Variants in P2RY14 observed in about 807,000 individuals in gnomAD.
P2RY14 encodes P2Y purinoceptor 14.
In P2RY14, 2 loss-of-function variants were observed where a neutral mutation model predicts 0.9. The observed-to-expected ratio is 2.16, with a 90% CI of 0.88 to 6.79. P2RY14 has a LOEUF of 6.79. Among genes scored for constraint, P2RY14 ranks in the 30% most tolerant of loss-of-function variants. The pLI, the probability that P2RY14 is intolerant of heterozygous loss-of-function variation, is 0.05. For missense variants in P2RY14, 378 were observed against 400.1 expected (o/e 0.94, Z 0.47); for synonymous variants, 158 against 147.2 (o/e 1.07, Z -0.53).
intron 1 of P2RY14, among the ~76,000 whole-genome samples, chr3:151,245,646 A>G (rs1395215634): frequency 2.1e-5 from 3 of 144,776 alleles, no homozygotes; most frequent in Non-Finnish European, 3.0e-5. Context: ...ATCTATGACA[A>G]ACCCACAGCC....
At chr3:151,227,905 A>C (rs751965896) in intron 1 of P2RY14, among the ~76,000 whole-genome samples, 5 of 152,102 alleles carry the variant, frequency 3.3e-5, no homozygotes, top group Non-Finnish European at 7.4e-5. Flanking sequence ...GCCTGTATCC[A>C]CTAGGTGGCA....
chr3:151,255,222 CAG>C (rs951802981), intron 1 of P2RY14, among the ~76,000 whole-genome samples: 50 of 152,154 alleles, frequency 3.3e-4, no homozygotes, highest in African/African-American at 8.7e-4. Context: ...AGCCATATAA[CAG>C]GGGATGTGAG....
rs759327036 is a variant in P2RY14, at chr3:151,214,263, G to A, written c.54C>T (p.Leu18=). The change falls in exon 3 of 3, where the codon CTC becomes CTT. Residue 18 remains leucine, a synonymous_variant. Coordinates refer to ENST00000309170, the MANE Select transcript of P2RY14 (RefSeq NM_014879.4). ...CAGGAATGATCTGCTGAGTGATCAG[G>A]AGGTTCTGAGAGCAGGATTCATCTG... ...QPPDESCSQN[L]LITQQIIPVL... 6.2e-7 allele frequency: 1 copy of A among 1,614,028 alleles called. No homozygotes were observed.
chr3:151,256,921 T>A (rs1398474251), intron 1 of P2RY14, among the ~76,000 whole-genome samples: 2 of 151,922 alleles, frequency 1.3e-5, no homozygotes, highest in Non-Finnish European at 2.9e-5. Flanking sequence ...AAATAATCTC[T>A]TGCCATTTGC....
chr3:151,273,959 T>C (rs1741438849), intron 1 of P2RY14, among the ~76,000 whole-genome samples: 1 of 152,210 alleles, frequency 6.6e-6, no homozygotes, highest in Non-Finnish European at 1.5e-5. Flanking sequence ...TGAGGGACTT[T>C]AAAGTCTAGG....
intron 1 of P2RY14, among the ~76,000 whole-genome samples, chr3:151,248,584 G>C (rs1736218744): frequency 6.6e-6 from 1 of 151,942 alleles, no homozygotes; most frequent in Non-Finnish European, 1.5e-5. Context: ...CGACTGTCTG[G>C]ATAATAAGTA....
chr3:151,252,064 T>A (rs1736953169), intron 1 of P2RY14, among the ~76,000 whole-genome samples: 1 of 152,216 alleles, frequency 6.6e-6, no homozygotes, highest in African/African-American at 2.4e-5. Flanking sequence ...TACTTTCAGA[T>A]GCAGTTGGCC....
At chr3:151,272,771 T>C (rs1251945885) in intron 1 of P2RY14, among the ~76,000 whole-genome samples, 3 of 152,158 alleles carry the variant, frequency 2.0e-5, no homozygotes, top group Non-Finnish European at 4.4e-5. Flanking sequence ...TGTTAATGGC[T>C]ATAATGTTTT....
At chr3:151,267,396 T>A (rs1368820642) in intron 1 of P2RY14, among the ~76,000 whole-genome samples, 3 of 152,216 alleles carry the variant, frequency 2.0e-5, no homozygotes, top group Non-Finnish European at 2.9e-5. Flanking sequence ...CCTTTTCTTT[T>A]TAGAAAGAAA....
intron 1 of P2RY14, among the ~76,000 whole-genome samples, chr3:151,273,199 C>T (rs953297230): frequency 3.3e-5 from 5 of 149,526 alleles, no homozygotes; most frequent in African/African-American, 9.8e-5. Context: ...ATGATGCTGG[C>T]AATGACAGCA....
intron 1 of P2RY14, among the ~76,000 whole-genome samples, chr3:151,230,441 G>A (rs1330152853): frequency 2.6e-5 from 4 of 152,052 alleles, no homozygotes; most frequent in African/African-American, 9.7e-5. Flanking sequence ...ATTGCCTCAG[G>A]TATAATACCT....
At chr3:151,268,599 A>T (rs1182379384) in intron 1 of P2RY14, among the ~76,000 whole-genome samples, 2 of 152,196 alleles carry the variant, frequency 1.3e-5, no homozygotes, top group Non-Finnish European at 2.9e-5. Context: ...ATTTTGTCTA[A>T]TTTGTGAGTT....
intron 1 of P2RY14, among the ~76,000 whole-genome samples, chr3:151,235,446 T>A (rs1021608292): frequency 9.9e-5 from 15 of 152,112 alleles, no homozygotes; most frequent in African/African-American, 3.4e-4. Context: ...TGGCTCATGC[T>A]TGTAATCTCA....
In P2RY14 at chr3:151,226,014, G is replaced by A. The variant is rs932923791; in HGVS notation, c.-132-6372C>T. Among the ~76,000 whole-genome samples the A allele has an allele frequency of 1.1e-4, 17 of 152,212 alleles. 2 individuals are homozygous for A. The South Asian group carries it at 2.3e-3, about 20-fold the overall frequency. ...TTGTTCATTTGCTCACTATAAAGCC[G>A]TCAGAACATGCTGCCATGCCCTATG... is the stretch of plus-strand genomic sequence containing the variant. On this transcript the variant is annotated intron_variant, in intron 1 of 2. Coordinates refer to ENST00000309170, the MANE Select transcript of P2RY14 (RefSeq NM_014879.4).
chr3:151,237,651 G>A (rs1197827094), intron 1 of P2RY14, among the ~76,000 whole-genome samples: 2 of 151,848 alleles, frequency 1.3e-5, no homozygotes, highest in African/African-American at 2.4e-5. Flanking sequence ...GCGCCCAGCC[G>A]CCAAACTGTT....
chr3:151,240,356 T>G (rs1733833218), intron 1 of P2RY14, among the ~76,000 whole-genome samples: 1 of 152,242 alleles, frequency 6.6e-6, no homozygotes, highest in East Asian at 1.9e-4. Flanking sequence ...TCAAGCAGTT[T>G]CCAGTGGGAT....
At chr3:151,229,583 A>C (rs1191149354) in intron 1 of P2RY14, among the ~76,000 whole-genome samples, 1 of 142,688 alleles carries the variant, frequency 7.0e-6, no homozygotes, top group Non-Finnish European at 1.5e-5. Context: ...GGTTCATGCC[A>C]TTTTCCTGCC....
At chr3:151,273,181 G>A (rs1195372955) in intron 1 of P2RY14, among the ~76,000 whole-genome samples, 1 of 151,004 alleles carries the variant, frequency 6.6e-6, no homozygotes, top group Admixed American at 6.6e-5. Flanking sequence ...ATGTTATTGG[G>A]AAAGAAGATG....
At chr3:151,263,617 AT>A (rs933864552) in intron 1 of P2RY14, among the ~76,000 whole-genome samples, 6 of 152,192 alleles carry the variant, frequency 3.9e-5, no homozygotes, top group Admixed American at 1.3e-4. Flanking sequence ...GGAGTTTTAA[AT>A]TTTTTAAGTG....
Sources: gnomAD v4.1 joint callset for allele counts (sites outside exome capture counted in the v4.1 genomes callset) on GRCh38, gnomAD v4.1.1 for gene constraint, MANE v1.5 for transcripts, NCBI Gene and HGNC (gene_info 2026-07-23, HGNC 2026-07-21) for gene names.